The following SDK1 variants were observed in gnomAD, a reference collection of about 807,000 sequenced individuals.
SDK1 encodes the protein sidekick cell adhesion molecule 1, also known as protein sidekick-1.
Under a neutral mutation model 245.5 loss-of-function variants are expected in SDK1, and 157 were observed. The observed-to-expected ratio is 0.64, with a 90% CI of 0.56 to 0.73. The LOEUF (loss-of-function observed/expected upper bound fraction) is 0.73. SDK1 is among the 30% of genes least tolerant of loss of function. The pLI, the probability that SDK1 is intolerant of heterozygous loss-of-function variation, is 0.00. For missense variants in SDK1, 3,583 were observed against 3,002.3 expected (o/e 1.19, Z -4.52); for synonymous variants, 1,647 against 1,278.5 (o/e 1.29, Z -6.15).
At chr7:4,221,679 A>G (rs1315730407) in intron 40 of SDK1, among the ~76,000 whole-genome samples, 2 of 152,292 alleles carry the variant, frequency 1.3e-5, no homozygotes, top group East Asian at 1.9e-4. Flanking sequence ...GGCATTTTCA[A>G]ACTCATCCAT....
intron 5 of SDK1, among the ~76,000 whole-genome samples, chr7:3,870,123 G>A (rs754981989): frequency 2.6e-5 from 4 of 152,152 alleles, no homozygotes; most frequent in Admixed American, 6.5e-5. Flanking sequence ...CAAAGCCTTG[G>A]TCAGCATTCA....
intron 1 of SDK1, among the ~76,000 whole-genome samples, chr7:3,483,537 G>C (rs1407105318): frequency 2.0e-5 from 3 of 152,164 alleles, no homozygotes; most frequent in East Asian, 3.9e-4. Flanking sequence ...GAATATTTCT[G>C]TCTCTAAATT....
chr7:3,400,231 C>G (rs988617537), intron 1 of SDK1, among the ~76,000 whole-genome samples: 1 of 152,142 alleles, frequency 6.6e-6, no homozygotes, highest in Non-Finnish European at 1.5e-5. Context: ...GTTAAAATGC[C>G]ATGAACCAAG....
At chr7:3,495,942 C>G (rs758733438) in intron 1 of SDK1, among the ~76,000 whole-genome samples, 1 of 152,154 alleles carries the variant, frequency 6.6e-6, no homozygotes, top group Non-Finnish European at 1.5e-5. Context: ...TCACAGATTC[C>G]AGAAGAATTT....
At chr7:3,617,935 C>T (rs1781820030) in intron 1 of SDK1, among the ~76,000 whole-genome samples, 1 of 152,106 alleles carries the variant, frequency 6.6e-6, no homozygotes, top group Non-Finnish European at 1.5e-5. Flanking sequence ...TGAAGTGTGC[C>T]TGGAGTGCTC....
At chr7:3,957,259 G>A (rs1237548510) in intron 7 of SDK1, among the ~76,000 whole-genome samples, 5 of 152,212 alleles carry the variant, frequency 3.3e-5, no homozygotes, top group African/African-American at 7.2e-5. Context: ...TGCATGGGAC[G>A]TGCATGTGCC....
intron 2 of SDK1, 92 bp from the exon 3 acceptor site, chr7:3,638,912 C>G: frequency 1.5e-6 from 1 of 654,812 alleles, no homozygotes; most frequent in Non-Finnish European, 2.6e-6. Flanking sequence ...AGATGAGATG[C>G]CAGTGCTGTT....
intron 1 of SDK1, among the ~76,000 whole-genome samples, chr7:3,569,833 AGTCT>A (rs1780051247): frequency 6.6e-6 from 1 of 152,156 alleles, no homozygotes; most frequent in Admixed American, 6.5e-5. Flanking sequence ...GGCTTGTTAG[AGTCT>A]GTCCTTTGTG....
chr7:3,999,582 G>C (rs775563503), intron 14 of SDK1, among the ~76,000 whole-genome samples: 1 of 152,162 alleles, frequency 6.6e-6, no homozygotes, highest in Non-Finnish European at 1.5e-5. Flanking sequence ...GGGGAGGCTG[G>C]TGGCCAAGGA....
chr7:4,252,832 C>T (rs929120893), intron 44 of SDK1, among the ~76,000 whole-genome samples: 6 of 145,720 alleles, frequency 4.1e-5, no homozygotes, highest in African/African-American at 8.2e-5. Flanking sequence ...TTTCCCCCCC[C>T]CTCTTTTTTT....
In SDK1 at chr7:3,767,823, C is replaced by A. The variant is rs1056351748; in HGVS notation, c.714-53627C>A. 2.0e-5 allele frequency among the ~76,000 whole-genome samples: 3 copies of A among 151,704 alleles called. 1 individual carries two copies. The highest frequency in any genetic ancestry group is 1.5e-5 in the Non-Finnish European group (1 of 67,876). ...AACTTAGGAATCATTTGGAAGGAAA[C>A]AAAAAAAATAGCACAACAAAGTATT... is the stretch of plus-strand genomic sequence containing the variant. On this transcript the variant is annotated intron_variant, in intron 4 of 44. Coordinates refer to ENST00000404826, the MANE Select transcript of SDK1 (RefSeq NM_152744.4).
chr7:3,336,922 C>T (rs1249367868), intron 1 of SDK1, among the ~76,000 whole-genome samples: 1 of 152,168 alleles, frequency 6.6e-6, no homozygotes, highest in Non-Finnish European at 1.5e-5. Flanking sequence ...CCCACTCATC[C>T]CTGGTATTAA....
intron 1 of SDK1, among the ~76,000 whole-genome samples, chr7:3,337,413 A>G (rs1361264236): frequency 6.6e-6 from 1 of 152,132 alleles, no homozygotes; most frequent in Non-Finnish European, 1.5e-5. Context: ...GATAAAAGAG[A>G]TAACACTTGT....
chr7:4,151,374 G>C (rs930902008), intron 30 of SDK1, among the ~76,000 whole-genome samples: 1 of 152,208 alleles, frequency 6.6e-6, no homozygotes. Flanking sequence ...TGCGCACGGG[G>C]CTTGTTTCCA....
chr7:3,377,114 G>A (rs1192427488), intron 1 of SDK1, among the ~76,000 whole-genome samples: 1 of 151,994 alleles, frequency 6.6e-6, no homozygotes, highest in Non-Finnish European at 1.5e-5. Flanking sequence ...TTTTCTTTTA[G>A]GATTCTGTTC....
At chr7:4,227,199 G>T (rs1336739218) in intron 40 of SDK1, 1 of 318,722 alleles carries the variant, frequency 3.1e-6, no homozygotes, top group Non-Finnish European at 6.2e-6. Flanking sequence ...AAGTCAGCAG[G>T]TTCAGCAAGA....
At chr7:3,481,394 G>C (rs73038531) in intron 1 of SDK1, among the ~76,000 whole-genome samples, 1 of 152,294 alleles carries the variant, frequency 6.6e-6, no homozygotes, top group Non-Finnish European at 1.5e-5. Flanking sequence ...AAAAAAGGCA[G>C]AATTGTCAGT....
chr7:3,744,886 A>G (rs1349754623), intron 4 of SDK1, among the ~76,000 whole-genome samples: 1 of 152,208 alleles, frequency 6.6e-6, no homozygotes, highest in African/African-American at 2.4e-5. Flanking sequence ...ACAAAAATGT[A>G]TAGTATATCC....
chr7:4,117,771 C>A (rs188626534), intron 25 of SDK1, among the ~76,000 whole-genome samples: 52 of 152,252 alleles, frequency 3.4e-4, no homozygotes, highest in Non-Finnish European at 8.8e-5. Flanking sequence ...GCAGGCCATG[C>A]AGTAACATGA....
Sources: allele counts gnomAD v4.1 joint callset (sites outside exome capture counted in the v4.1 genomes callset), GRCh38; gene constraint gnomAD v4.1.1; transcripts MANE v1.5; gene names NCBI Gene and HGNC (gene_info 2026-07-23, HGNC 2026-07-21).